The following LRMDA variants were observed in gnomAD, a reference collection of about 807,000 sequenced individuals.
The protein encoded by LRMDA is leucine-rich melanocyte differentiation-associated protein.
LRMDA carries 18 observed loss-of-function variants against 29.8 expected under a neutral mutation model. The ratio of observed to expected loss-of-function variants is 0.60; its 90% confidence interval spans 0.42 to 0.90. The LOEUF is 0.90. LRMDA is among the 40% of genes least tolerant of loss of function. The pLI is 0.00. For synonymous variants in LRMDA, 125 were observed against 109.4 expected (o/e 1.14, Z -0.89); for missense variants, 273 against 273.9 (o/e 1.00, Z 0.02).
chr10:76,351,786 A>T (rs1358701881), intron 6 of LRMDA, among the ~76,000 whole-genome samples: 1 of 151,850 alleles, frequency 6.6e-6, no homozygotes, highest in Non-Finnish European at 1.5e-5. Flanking sequence ...GGGCTAAGAG[A>T]CTTAGAGCTC....
intron 5 of LRMDA, among the ~76,000 whole-genome samples, chr10:76,080,048 GTTC>G (rs901109972): frequency 3.3e-5 from 5 of 152,140 alleles, no homozygotes; most frequent in African/African-American, 9.6e-5. Context: ...TATGTCTCAA[GTTC>G]TTCTTCCTCC....
chr10:76,058,850 C>T, intron 5 of LRMDA, 67 bp downstream of exon 5: 2 of 1,199,794 alleles, frequency 1.7e-6, no homozygotes, highest in Non-Finnish European at 2.5e-6. Flanking sequence ...CACCCCAGGG[C>T]ATGCAGAATG....
At chr10:75,942,126 A>G (rs73275013) in intron 2 of LRMDA, among the ~76,000 whole-genome samples, 4,181 of 152,188 alleles carry the variant, frequency 0.027, 174 homozygotes, top group African/African-American at 0.089. Context: ...TCTGACTCCA[A>G]ACACTTCAAC....
chr10:75,948,185 G>A (rs1195575043), intron 2 of LRMDA, among the ~76,000 whole-genome samples: 1 of 152,126 alleles, frequency 6.6e-6, no homozygotes, highest in Non-Finnish European at 1.5e-5. Flanking sequence ...TTCTCAAATT[G>A]TAGACTGGCT....
At chr10:75,885,495 G>GC (rs1448551708) in intron 2 of LRMDA, among the ~76,000 whole-genome samples, 5 of 152,166 alleles carry the variant, frequency 3.3e-5, no homozygotes, top group African/African-American at 1.2e-4. Flanking sequence ...AACTAAGGAG[G>GC]CCCAGTTATA....
chr10:76,410,729 G>A (rs1841952008), intron 6 of LRMDA, among the ~76,000 whole-genome samples: 2 of 152,098 alleles, frequency 1.3e-5, no homozygotes, highest in African/African-American at 4.8e-5. Flanking sequence ...CAAGGGGGGT[G>A]GATCACTTGA....
chr10:75,683,099 T>C (rs961247864), intron 2 of LRMDA, among the ~76,000 whole-genome samples: 19 of 152,336 alleles, frequency 1.2e-4, no homozygotes, highest in African/African-American at 4.3e-4. Flanking sequence ...CTGAGCTTTC[T>C]ACAGGCCCAA....
chr10:75,494,132 A>G (rs1485833932), intron 2 of LRMDA, among the ~76,000 whole-genome samples: 1 of 152,224 alleles, frequency 6.6e-6, no homozygotes, highest in Non-Finnish European at 1.5e-5. Flanking sequence ...TTCATATGCT[A>G]TGAAGTGGGG....
chr10:76,094,186 T>G (rs928620491), intron 5 of LRMDA, among the ~76,000 whole-genome samples: 1 of 152,200 alleles, frequency 6.6e-6, no homozygotes, highest in Non-Finnish European at 1.5e-5. Context: ...GATGGAACGA[T>G]AGACTCCAAA....
chr10:76,429,471 C>T (rs889642919), intron 6 of LRMDA, among the ~76,000 whole-genome samples: 1 of 151,918 alleles, frequency 6.6e-6, no homozygotes, highest in African/African-American at 2.4e-5. Context: ...GGTGATTGGA[C>T]GTGGAGAGCA....
At chr10:76,195,486 T>C (rs1239021343) in intron 5 of LRMDA, among the ~76,000 whole-genome samples, 1 of 152,186 alleles carries the variant, frequency 6.6e-6, no homozygotes, top group Non-Finnish European at 1.5e-5. Context: ...GAAAACTGCT[T>C]GGATTGCAGG....
intron 2 of LRMDA, among the ~76,000 whole-genome samples, chr10:75,946,771 C>T (rs2132415226): frequency 6.6e-6 from 1 of 152,282 alleles, no homozygotes. Flanking sequence ...ATGGTAGTTA[C>T]ATCCCGCCTG....
intron 2 of LRMDA, among the ~76,000 whole-genome samples, chr10:75,532,074 AAAAGG>A (rs1419428391): frequency 1.5e-4 from 22 of 151,286 alleles, no homozygotes; most frequent in Non-Finnish European, 2.5e-4. Flanking sequence ...AAAAAAAAAA[AAAAGG>A]AAAGAGCCAG....
intron 5 of LRMDA, among the ~76,000 whole-genome samples, chr10:76,112,308 C>G (rs1429422757): frequency 6.6e-6 from 1 of 152,198 alleles, no homozygotes; most frequent in Non-Finnish European, 1.5e-5. Context: ...TGGGGGCATG[C>G]AGGAGCAGGG....
At chr10:76,009,649 G>A (rs1014111595) in intron 2 of LRMDA, among the ~76,000 whole-genome samples, 3 of 152,184 alleles carry the variant, frequency 2.0e-5, no homozygotes, top group Non-Finnish European at 4.4e-5. Flanking sequence ...GAACCTCCCA[G>A]TGGTCTGAGG....
At chr10:76,161,629 G>A (rs1850649325) in intron 5 of LRMDA, among the ~76,000 whole-genome samples, 1 of 152,172 alleles carries the variant, frequency 6.6e-6, no homozygotes, top group South Asian at 2.1e-4. Flanking sequence ...GCCCAAGATA[G>A]TCAGACTACA....
chr10:75,516,834 T>C (rs1050898300), intron 2 of LRMDA, among the ~76,000 whole-genome samples: 10 of 152,156 alleles, frequency 6.6e-5, no homozygotes, highest in African/African-American at 2.2e-4. Flanking sequence ...TGGTTTTAGG[T>C]CTAACATTTA....
intron 2 of LRMDA, among the ~76,000 whole-genome samples, chr10:75,906,083 G>T (rs1024218066): frequency 5.3e-5 from 8 of 151,172 alleles, no homozygotes; most frequent in African/African-American, 1.9e-4. Flanking sequence ...CCCTGCCACA[G>T]AGGAAGACTC....
At chr10:76,509,150 C>A (rs149869083) in intron 6 of LRMDA, among the ~76,000 whole-genome samples, 2 of 152,220 alleles carry the variant, frequency 1.3e-5, no homozygotes, top group Admixed American at 6.5e-5. Flanking sequence ...CCACTTTGTT[C>A]GCAGCACTGA....
Sources: gnomAD v4.1 joint callset for allele counts (sites outside exome capture counted in the v4.1 genomes callset) on GRCh38, gnomAD v4.1.1 for gene constraint, MANE v1.5 for transcripts, NCBI Gene and HGNC (gene_info 2026-07-23, HGNC 2026-07-21) for gene names.